DOCK10: variants seen among roughly 807,000 people sequenced by gnomAD.
The protein encoded by DOCK10 is dedicator of cytokinesis 10.
DOCK10 carries 145 observed loss-of-function variants against 280.1 expected under a neutral mutation model. The observed-to-expected ratio is 0.52, with a 90% CI of 0.45 to 0.59. The LOEUF is 0.59. Among genes scored for constraint, DOCK10 ranks in the 20% least tolerant of loss-of-function variants. The pLI is 0.00. For synonymous variants in DOCK10, 915 were observed against 942.2 expected, an observed-to-expected ratio of 0.97 and a Z score of 0.53; for missense variants, 2,368 against 2,651.7, an observed-to-expected ratio of 0.89 and a Z score of 2.35.
intron 2 of DOCK10, among the ~76,000 whole-genome samples, chr2:224,927,126 A>T (rs1702080934): frequency 1.3e-5 from 2 of 152,166 alleles, no homozygotes; most frequent in Non-Finnish European, 2.9e-5. Flanking sequence ...ATTTAAACTG[A>T]GTTGTGACTG....
chr2:225,012,966 G>A (rs74815843), intron 1 of DOCK10, among the ~76,000 whole-genome samples: 5,309 of 152,218 alleles, frequency 0.035, 332 homozygotes, highest in African/African-American at 0.12. Context: ...TCGCTATGAT[G>A]GCAGGGTGTT....
intron 1 of DOCK10, among the ~76,000 whole-genome samples, chr2:225,027,173 G>C (rs1454288532): frequency 6.6e-6 from 1 of 152,104 alleles, no homozygotes; most frequent in Non-Finnish European, 1.5e-5. Flanking sequence ...ACAAAATGAT[G>C]AGGCCTGGTC....
chr2:225,035,570 A>ATTT (rs368666534), intron 1 of DOCK10, among the ~76,000 whole-genome samples: 4 of 58,234 alleles, frequency 6.9e-5, no homozygotes, highest in Non-Finnish European at 1.2e-4. Flanking sequence ...ATATATATAT[A>ATTT]TATATATATA....
intron 11 of DOCK10, among the ~76,000 whole-genome samples, chr2:224,865,667 G>A (rs1260446355): frequency 6.6e-6 from 1 of 152,142 alleles, no homozygotes; most frequent in East Asian, 1.9e-4. Context: ...GAGAGGGCAG[G>A]AAGTTTCCTA....
chr2:224,907,425 C>A (rs891468712), intron 3 of DOCK10, among the ~76,000 whole-genome samples: 1 of 152,156 alleles, frequency 6.6e-6, no homozygotes, highest in Non-Finnish European at 1.5e-5. Flanking sequence ...CGGTGGCTCA[C>A]GCCTGTAATC....
intron 4 of DOCK10, among the ~76,000 whole-genome samples, chr2:224,893,830 A>C (rs1559684626): frequency 1.3e-5 from 2 of 152,230 alleles, no homozygotes; most frequent in Non-Finnish European, 2.9e-5. Flanking sequence ...GAATTCTTCT[A>C]ATCCAGGAGG....
At position 224,893,253 on chromosome 2, in the gene DOCK10, G is replaced by A. The variant is rs918055807; in HGVS notation, c.416+3042C>T. 3 of 153,984 alleles carry A rather than the reference G, an allele frequency of 1.9e-5. No homozygotes were observed. In the South Asian group the frequency reaches 5.9e-4, roughly 30 times the overall value. 9.5% of individuals were successfully genotyped at this position (153,984 alleles called of 1,614,324 possible). ...TTCCATAGGGTTATGAGTATTAAAT[G>A]AGATAATGCATGTATGACACCCAGC... On this transcript the variant is annotated intron_variant, in intron 4 of 55. Coordinates refer to ENST00000258390, the MANE Select transcript of DOCK10 (RefSeq NM_014689.3).
In DOCK10 at chr2:224,938,206, C is replaced by T. The variant is rs377724218; in HGVS notation, c.124-6538G>A. On this transcript the variant is annotated intron_variant, in intron 1 of 55. Transcript: ENST00000258390. ...AGTTGTATGTTCTTTCTGTGACATGCGGTAGATCCTGTGATGCCATTTGGA... is the reference window on the plus strand; with the variant it reads ...AGTTGTATGTTCTTTCTGTGACATGTGGTAGATCCTGTGATGCCATTTGGA... 3.3e-5 allele frequency among the ~76,000 whole-genome samples: 5 copies of T among 152,246 alleles called. No homozygotes were observed. The South Asian group carries it at 6.2e-4, about 19-fold the overall frequency.
At chr2:225,020,593 G>A (rs1689759586) in intron 1 of DOCK10, among the ~76,000 whole-genome samples, 1 of 152,206 alleles carries the variant, frequency 6.6e-6, no homozygotes, top group South Asian at 2.1e-4. Flanking sequence ...CTGAATAGAG[G>A]TAGCTATTTT....
chr2:224,937,209 T>C (rs952523922), intron 1 of DOCK10, among the ~76,000 whole-genome samples: 1 of 152,184 alleles, frequency 6.6e-6, no homozygotes, highest in Non-Finnish European at 1.5e-5. Flanking sequence ...AATCTCTAGT[T>C]GGAAGTTCAG....
intron 2 of DOCK10, among the ~76,000 whole-genome samples, chr2:224,919,141 G>A (rs578221085): frequency 1.8e-4 from 26 of 147,446 alleles, no homozygotes; most frequent in Non-Finnish European, 2.7e-4. Context: ...GTATATGTGT[G>A]GTGTGTGTAT....
chr2:224,827,411 C>A (rs112540137), intron 27 of DOCK10, among the ~76,000 whole-genome samples: 333 of 152,038 alleles, frequency 2.2e-3, no homozygotes, highest in African/African-American at 7.7e-3. Context: ...GGAAAGCAAA[C>A]CTCAATCGGG....
At chr2:225,014,084 GTTTTTT>G (rs1174953662) in intron 1 of DOCK10, among the ~76,000 whole-genome samples, 1 of 104,434 alleles carries the variant, frequency 9.6e-6, no homozygotes, top group African/African-American at 4.9e-5. Flanking sequence ...TGAATATATT[GTTTTTT>G]TTTTTTTGTT....
chr2:224,993,657 T>C (rs1161657668), intron 1 of DOCK10, among the ~76,000 whole-genome samples: 2 of 152,196 alleles, frequency 1.3e-5, no homozygotes, highest in African/African-American at 4.8e-5. Context: ...TATCCTGTTT[T>C]ATTTTCAAGC....
At chr2:224,844,021 C>T (rs1696159580) in intron 22 of DOCK10, among the ~76,000 whole-genome samples, 1 of 152,168 alleles carries the variant, frequency 6.6e-6, no homozygotes, top group Non-Finnish European at 1.5e-5. Context: ...GGTGGGGTGG[C>T]TCTCAAATGC....
At chr2:224,864,824 T>C in intron 12 of DOCK10, 42 bp downstream of exon 12, 3 of 1,610,016 alleles carry the variant, frequency 1.9e-6, no homozygotes, top group Middle Eastern at 1.7e-4. Context: ...AGAATAATGG[T>C]ACAAGCATTT....
intron 19 of DOCK10, among the ~76,000 whole-genome samples, chr2:224,848,720 G>A (rs555097395): frequency 6.6e-6 from 1 of 152,184 alleles, no homozygotes; most frequent in African/African-American, 2.4e-5. Flanking sequence ...GGCAAGGCTT[G>A]TTCCCTGTCA....
In DOCK10 at chr2:224,886,892, C is replaced by T. The variant is rs950186807; in HGVS notation, c.417-361G>A. 4.0e-5 allele frequency among the ~76,000 whole-genome samples: 6 copies of T among 150,466 alleles called. 1 individual carries two copies. The highest frequency in any genetic ancestry group is 1.2e-4 in the African/African-American group (5 of 40,276). On this transcript the variant is annotated intron_variant, in intron 4 of 55. Transcript: ENST00000258390. Reference sequence around the variant, plus strand: ...GCTGCATGCAGCACCCCCAACACCCCCCCAAGTAGTACCTGGGATTACAGG... The same window carrying T: ...GCTGCATGCAGCACCCCCAACACCCTCCCAAGTAGTACCTGGGATTACAGG...
At chr2:224,784,875 G>C in intron 50 of DOCK10, 1 of 764,738 alleles carries the variant, frequency 1.3e-6, no homozygotes, top group Non-Finnish European at 1.9e-6. Flanking sequence ...CATCTGGTAG[G>C]CAATCCTGTT....
Sources: allele counts gnomAD v4.1 joint callset (sites outside exome capture counted in the v4.1 genomes callset), GRCh38; gene constraint gnomAD v4.1.1; transcripts MANE v1.5; gene names NCBI Gene and HGNC (gene_info 2026-07-23, HGNC 2026-07-21).